Variants in LIN9 observed in about 807,000 individuals in gnomAD.
The protein encoded by LIN9 is lin-9 DREAM MuvB core complex component.
In LIN9, 18 loss-of-function variants were observed where a neutral mutation model predicts 78.0. The observed-to-expected ratio is 0.23, with a 90% confidence interval of 0.16 to 0.34. The LOEUF (loss-of-function observed/expected upper bound fraction) is 0.34. Ranked by LOEUF, LIN9 falls within the 10% of genes least tolerant of loss-of-function variation. The pLI is 1.00. For synonymous variants in LIN9, 192 were observed against 215.2 expected (o/e 0.89, Z 0.94); for missense variants, 451 against 644.1 (o/e 0.70, Z 3.25).
intron 11 of LIN9, among the ~76,000 whole-genome samples, chr1:226,241,625 G>A (rs1658115960): frequency 6.6e-6 from 1 of 152,170 alleles, no homozygotes; most frequent in Non-Finnish European, 1.5e-5. Context: ...TTGGGAGGCT[G>A]AGGCGGGTGG....
intron 7 of LIN9, among the ~76,000 whole-genome samples, chr1:226,277,510 G>A (rs1413028049): frequency 6.6e-6 from 1 of 152,114 alleles, no homozygotes; most frequent in Admixed American, 6.5e-5. Context: ...CCATGTGTAC[G>A]TGTAAACACA....
At chr1:226,301,487 G>C (rs141795305) in intron 1 of LIN9, among the ~76,000 whole-genome samples, 2 of 152,312 alleles carry the variant, frequency 1.3e-5, no homozygotes, top group East Asian at 1.9e-4. Context: ...AAGAGGAAGA[G>C]TGGGGACAGA....
At chr1:226,308,452 T>G (rs1663062379) in intron 1 of LIN9, among the ~76,000 whole-genome samples, 1 of 152,156 alleles carries the variant, frequency 6.6e-6, no homozygotes, top group South Asian at 2.1e-4. Context: ...GGGGTCTACC[T>G]GAACACTGAG....
chr1:226,270,824 CAAAA>C (rs764106581), intron 7 of LIN9, among the ~76,000 whole-genome samples: 1,997 of 21,816 alleles, frequency 0.092, 34 homozygotes, highest in African/African-American at 0.2. Flanking sequence ...GACTCTGTCT[CAAAA>C]AAAAAAAAAA....
intron 7 of LIN9, among the ~76,000 whole-genome samples, chr1:226,272,051 CT>C (rs1215375984): frequency 0.032 from 4,081 of 128,052 alleles, 103 homozygotes; most frequent in African/African-American, 0.11. Flanking sequence ...ATTATCTTAA[CT>C]TTTTTTTTTT....
rs138058574 is a variant in LIN9, at chr1:226,252,306, A to G, written c.1039-1387T>C. Among the ~76,000 whole-genome samples, 616 of 150,364 alleles carry G rather than the reference A, an allele frequency of 4.1e-3. 24 individuals carry two copies. The South Asian group carries it at 0.073, about 18-fold the overall frequency. On this transcript the variant is annotated intron_variant, in intron 10 of 14. Transcript: ENST00000681046. ...AAAATAAATAAATAAATAAATAAAT[A>G]AATAAATAAATAAATGAATGAATGA...
chr1:226,242,096 T>C (rs1308665626), intron 11 of LIN9, among the ~76,000 whole-genome samples: 1 of 152,152 alleles, frequency 6.6e-6, no homozygotes, highest in Non-Finnish European at 1.5e-5. Flanking sequence ...AGGGTTAATA[T>C]AGAAGAATAA....
chr1:226,290,441 C>T (rs957098039), intron 4 of LIN9, among the ~76,000 whole-genome samples: 22 of 151,290 alleles, frequency 1.5e-4, no homozygotes, highest in Admixed American at 8.6e-4. Context: ...CCCGGGTTCA[C>T]GCCATTCTCC....
chr1:226,283,230 G>A (rs866569492), intron 6 of LIN9, among the ~76,000 whole-genome samples: 3 of 150,498 alleles, frequency 2.0e-5, no homozygotes, highest in South Asian at 2.1e-4. Context: ...GAGCTCAAGC[G>A]ATACTCCCAC....
chr1:226,308,092 A>G (rs961349716), intron 1 of LIN9, among the ~76,000 whole-genome samples: 1 of 152,274 alleles, frequency 6.6e-6, no homozygotes, highest in African/African-American at 2.4e-5. Flanking sequence ...CATAGATAAG[A>G]TTCAATAGTA....
chr1:226,271,332 T>G (rs1343399608), intron 7 of LIN9, among the ~76,000 whole-genome samples: 1 of 152,178 alleles, frequency 6.6e-6, no homozygotes, highest in Non-Finnish European at 1.5e-5. Context: ...CCTAATAGAG[T>G]GACTTTTTAA....
chr1:226,291,268 A>G (rs914404845), intron 4 of LIN9, among the ~76,000 whole-genome samples: 1 of 152,216 alleles, frequency 6.6e-6, no homozygotes, highest in Admixed American at 6.5e-5. Context: ...GAATTTATAA[A>G]TAATGATATA....
At position 226,252,060 on chromosome 1, in the gene LIN9, C is replaced by G. The variant is rs189747916; in HGVS notation, c.1039-1141G>C. Among the ~76,000 whole-genome samples the G allele has an allele frequency of 5.2e-4, 79 of 152,144 alleles. 1 individual carries two copies. The highest frequency in any genetic ancestry group is 1.8e-3 in the African/African-American group (73 of 41,506). On this transcript the variant is annotated intron_variant, in intron 10 of 14. Coordinates refer to ENST00000681046, the MANE Select transcript of LIN9 (RefSeq NM_001366245.2). ...ACTTAAGCCCAAGAGTTTGTGACCA[C>G]CCTCAGCTTCCCAAGTAGCTGGGAT... is the stretch of plus-strand genomic sequence containing the variant.
intron 12 of LIN9, among the ~76,000 whole-genome samples, chr1:226,235,643 C>A (rs754476718): frequency 1.3e-4 from 20 of 152,170 alleles, no homozygotes; most frequent in Admixed American, 7.2e-4. Flanking sequence ...GACTTTGGAG[C>A]ATTTCAGACT....
chr1:226,241,503 G>A (rs1052617423), intron 11 of LIN9, among the ~76,000 whole-genome samples: 1 of 152,064 alleles, frequency 6.6e-6, no homozygotes, highest in African/African-American at 2.4e-5. Flanking sequence ...TGTACAAAGG[G>A]TTTACATATA....
In LIN9 at chr1:226,284,989, T is replaced by A. The variant is rs894894029; in HGVS notation, c.524+1344A>T. Among the ~76,000 whole-genome samples the A allele has an allele frequency of 4.6e-5, 7 of 152,308 alleles. No homozygotes were observed. In the South Asian group the frequency reaches 1.4e-3, roughly 32 times the overall value. Reference sequence around the variant, plus strand: ...GGTTTATTGTATCAATAATTTGTATTATACCTGGACTTCCTCAAAGAAAGA... The same window carrying A: ...GGTTTATTGTATCAATAATTTGTATAATACCTGGACTTCCTCAAAGAAAGA... On this transcript the variant is annotated intron_variant, in intron 6 of 14. Coordinates refer to ENST00000681046, the MANE Select transcript of LIN9 (RefSeq NM_001366245.2).
At chr1:226,269,941 G>A (rs1660159321) in intron 7 of LIN9, among the ~76,000 whole-genome samples, 1 of 152,074 alleles carries the variant, frequency 6.6e-6, no homozygotes, top group South Asian at 2.1e-4. Flanking sequence ...TTATTATTTT[G>A]AGATGGGAGT....
At chr1:226,280,729 C>G (rs1660994718) in intron 6 of LIN9, among the ~76,000 whole-genome samples, 1 of 152,074 alleles carries the variant, frequency 6.6e-6, no homozygotes, top group East Asian at 1.9e-4. Context: ...GAGCCGAAAT[C>G]ACACCACTGC....
intron 13 of LIN9, 38 bp from the exon 14 acceptor site, chr1:226,233,231 A>G: frequency 6.5e-7 from 1 of 1,538,736 alleles, no homozygotes; most frequent in South Asian, 1.2e-5. Flanking sequence ...ATTGCATTAT[A>G]GCTCAAATAT....
Sources: allele counts gnomAD v4.1 joint callset (sites outside exome capture counted in the v4.1 genomes callset), GRCh38; gene constraint gnomAD v4.1.1; transcripts MANE v1.5; gene names NCBI Gene and HGNC (gene_info 2026-07-23, HGNC 2026-07-21).